MKLN1: variants seen among roughly 807,000 people sequenced by gnomAD.
MKLN1 encodes muskelin 1, also known as muskelin.
MKLN1 carries 18 observed loss-of-function variants against 99.0 expected under a neutral mutation model. The ratio of observed to expected loss-of-function variants is 0.18; its 90% confidence interval spans 0.13 to 0.27. The LOEUF (loss-of-function observed/expected upper bound fraction) is 0.27, where lower values mean the gene tolerates loss of function less well. MKLN1 is among the 10% of genes least tolerant of loss of function. The pLI, the probability that MKLN1 is intolerant of heterozygous loss-of-function variation, is 1.00. For missense variants in MKLN1, 621 were observed against 875.9 expected, an observed-to-expected ratio of 0.71 and a Z score of 3.67; for synonymous variants, 288 against 293.2, an observed-to-expected ratio of 0.98 and a Z score of 0.18.
chr7:131,487,094 T>A lies in MKLN1; in HGVS notation c.2087-513T>A, dbSNP rs1797302321. ...TCAGTTCCCTGAGACTACTTCCAGC[T>A]GTCTCAGAGACATTAATGATTTTAG... On this transcript the variant is annotated intron_variant, in intron 17 of 17. Coordinates refer to ENST00000352689, the MANE Select transcript of MKLN1 (RefSeq NM_013255.5). The surrounding 1 kb of genome is among the most constrained non-coding windows in gnomAD (Gnocchi z 4.7). Among the ~76,000 whole-genome samples the A allele has an allele frequency of 6.6e-6, 1 of 152,158 alleles. No homozygotes were observed. Among genetic ancestry groups the A allele is most frequent in the Non-Finnish European group, 1.5e-5 (1 of 68,006 alleles).
chr7:131,229,556 T>C (rs554443119), intron 3 of MKLN1, among the ~76,000 whole-genome samples: 1 of 151,890 alleles, frequency 6.6e-6, no homozygotes, highest in East Asian at 1.9e-4. Context: ...GTGTTGTTGT[T>C]GTTGTTGTTG....
intron 3 of MKLN1, among the ~76,000 whole-genome samples, chr7:131,251,869 A>C (rs1032886320): frequency 6.6e-6 from 1 of 151,690 alleles, no homozygotes; most frequent in African/African-American, 2.4e-5. Context: ...GTTTGTAGAG[A>C]TGTTTTGCCA....
At chr7:131,282,717 A>G (rs74558393) in intron 3 of MKLN1, among the ~76,000 whole-genome samples, 9,798 of 152,188 alleles carry the variant, frequency 0.064, 431 homozygotes, top group Non-Finnish European at 0.094. Flanking sequence ...TTAATAGAAT[A>G]TAACCATGGT....
At chr7:131,409,452 C>T (rs530014604) in intron 6 of MKLN1, among the ~76,000 whole-genome samples, 14 of 152,184 alleles carry the variant, frequency 9.2e-5, no homozygotes, top group African/African-American at 3.4e-4. Flanking sequence ...TATTTACTGA[C>T]TTTTTGCAAG....
chr7:131,184,039 T>C (rs1316783651), intron 2 of MKLN1, among the ~76,000 whole-genome samples: 2 of 151,912 alleles, frequency 1.3e-5, no homozygotes, highest in Non-Finnish European at 2.9e-5. Flanking sequence ...TTTTTTAAGC[T>C]GCCTTGAGGT....
At chr7:131,112,199 A>G (rs1795212478) in intron 1 of MKLN1, among the ~76,000 whole-genome samples, 1 of 152,236 alleles carries the variant, frequency 6.6e-6, no homozygotes, top group Non-Finnish European at 1.5e-5. Context: ...TGAGTGAGCC[A>G]TTGTAGGTCT....
intron 3 of MKLN1, among the ~76,000 whole-genome samples, chr7:131,301,636 T>C (rs969486531): frequency 1.3e-5 from 2 of 152,166 alleles, no homozygotes; most frequent in Admixed American, 6.5e-5. Flanking sequence ...TTATGGTCTA[T>C]AGCTCAGTTC....
intron 8 of MKLN1, among the ~76,000 whole-genome samples, chr7:131,423,533 T>C (rs1795266141): frequency 6.6e-6 from 1 of 152,138 alleles, no homozygotes; most frequent in Non-Finnish European, 1.5e-5. Context: ...GCTTTCTCCA[T>C]GTTGGTCATG....
Position 131,487,471 on chromosome 7 carries a change from C to T in MKLN1, c.2087-136C>T. The T allele has an allele frequency of 1.2e-6, 1 of 864,134 alleles. No individual in the cohort carries two copies. The highest frequency in any genetic ancestry group is 1.7e-6 in the Non-Finnish European group (1 of 583,678). The allele number at this position is 864,134 out of a possible 1,614,324, so 53.5% of individuals were successfully genotyped here. A position where few individuals can be genotyped will look rare whatever the true frequency, so the allele number is the denominator to read the frequency against. On this transcript the variant is annotated intron_variant, in intron 17 of 17. Coordinates refer to ENST00000352689, the MANE Select transcript of MKLN1 (RefSeq NM_013255.5). The surrounding 1 kb of genome is among the most constrained non-coding windows in gnomAD (Gnocchi z 4.7). ...CACAGCCAGGTAGTAGAACTGGGGT[C>T]AGATCAGTAGTGTCTGCCTGGTTTT...
At position 131,494,734 on chromosome 7, in the gene MKLN1, T is replaced by C. The variant is rs778956402; in HGVS notation, c.*7006T>C. ...CAATTAGCCTGGGCAAGAGGTGTTA[T>C]GATTGTCTTATTCTTTAAGCCGGCT... is the stretch of plus-strand genomic sequence containing the variant. On this transcript the variant is annotated 3_prime_UTR_variant, in exon 18 of 18. Coordinates refer to ENST00000352689, the MANE Select transcript of MKLN1 (RefSeq NM_013255.5). 6.6e-6 allele frequency: 1 copy of C among 152,208 alleles called. No individual in the cohort carries two copies. The highest frequency in any genetic ancestry group is 1.9e-4 in the East Asian group (1 of 5,200). The allele number at this position is 152,208 out of a possible 1,614,324, so 9.4% of individuals were successfully genotyped here. A position where few individuals can be genotyped will look rare whatever the true frequency, so the allele number is the denominator to read the frequency against.
chr7:131,266,808 G>A lies in MKLN1; in HGVS notation c.-179+63834G>A, dbSNP rs144485430. On this transcript the variant is annotated intron_variant, in intron 3 of 7. Coordinates refer to the MKLN1 transcript ENST00000416992. ...TGATTCCTAGGTGATTGTCTCAGAA[G>A]TACCAGGTCTGCAAGTTTATGGAAA... Among the ~76,000 whole-genome samples, 124 of 151,804 alleles carry A rather than the reference G, an allele frequency of 8.2e-4. 1 individual carries two copies. In the East Asian group the frequency reaches 0.022, roughly 27 times the overall value.
Position 131,464,299 on chromosome 7 carries a change from G to A in MKLN1, c.1679G>A (p.Cys560Tyr), listed in dbSNP as rs776731717. The change falls in exon 14 of 18, where the codon TGT becomes TAT. Residue 560 changes from cysteine to tyrosine, a missense_variant. Transcript: ENST00000352689. ...TTAAAAGCAATGTCTTGCAGGTCTTGTGTCTATAAGAATGATCAAGCTGCA... is the reference window on the plus strand; with the variant it reads ...TTAAAAGCAATGTCTTGCAGGTCTTATGTCTATAAGAATGATCAAGCTGCA... ...IYDIVRNSWS[C>Y]VYKNDQAAKD... 3 of 1,598,470 alleles carry A rather than the reference G, an allele frequency of 1.9e-6. No homozygotes were observed. The highest frequency in any genetic ancestry group is 2.6e-6 in the Non-Finnish European group (3 of 1,166,578).
chr7:131,189,642 G>A (rs1796505722), intron 2 of MKLN1, among the ~76,000 whole-genome samples: 1 of 152,036 alleles, frequency 6.6e-6, no homozygotes, highest in Non-Finnish European at 1.5e-5. Flanking sequence ...AGCTTTGTTT[G>A]CAAGATGCCA....
At chr7:131,422,721 CT>C (rs1207161804) in intron 8 of MKLN1, among the ~76,000 whole-genome samples, 23 of 150,978 alleles carry the variant, frequency 1.5e-4, no homozygotes, top group Non-Finnish European at 3.1e-4. Context: ...CTTTTGTTTT[CT>C]TTTTTTAGTC....
At chr7:131,314,875 T>A (rs951644738) in intron 3 of MKLN1, among the ~76,000 whole-genome samples, 18 of 151,730 alleles carry the variant, frequency 1.2e-4, no homozygotes, top group African/African-American at 4.4e-4. Context: ...TGGGCTTAAA[T>A]GATCCTCGAC....
intron 2 of MKLN1, among the ~76,000 whole-genome samples, chr7:131,146,928 G>A (rs1671345558): frequency 6.6e-6 from 1 of 152,170 alleles, no homozygotes; most frequent in South Asian, 2.1e-4. Flanking sequence ...AGTACCTTGT[G>A]ACAAATGCTA....
rs1794962040 is a variant in MKLN1 at position 131,414,544 on chromosome 7, G to A, written c.782-101G>A. On this transcript the variant is annotated intron_variant, in intron 7 of 17. Transcript: ENST00000352689. ...TTATTAATATTTTGAAAAAATAAGG[G>A]TGGGTTATTTTTACTACTGATTACA... 10 of 671,116 alleles carry A rather than the reference G, an allele frequency of 1.5e-5. No homozygotes were observed. In the South Asian group the frequency reaches 1.6e-4, roughly 11 times the overall value. The allele number at this position is 671,116 out of a possible 1,614,324, so 41.6% of individuals were successfully genotyped here. A position where few individuals can be genotyped will look rare whatever the true frequency, so the allele number is the denominator to read the frequency against.
In MKLN1 at chr7:131,119,956, T is replaced by A. The variant is rs1584772014; in HGVS notation, c.-419+9749T>A. On this transcript the variant is annotated intron_variant, in intron 1 of 7. Coordinates refer to the MKLN1 transcript ENST00000416992. ...AAACTTTTATGCTCTGCTTTCTTTT[T>A]AAATATAAGTTCTAGTTTCAAGTCA... 4.6e-5 allele frequency among the ~76,000 whole-genome samples: 7 copies of A among 152,204 alleles called. No individual in the cohort carries two copies. The South Asian group carries it at 1.4e-3, about 32-fold the overall frequency.
intron 2 of MKLN1, among the ~76,000 whole-genome samples, chr7:131,192,956 G>A (rs1312777653): frequency 6.6e-6 from 1 of 152,166 alleles, no homozygotes; most frequent in African/African-American, 2.4e-5. Context: ...TGAAGAAAAG[G>A]AGAGGGATAT....
Sources: allele counts gnomAD v4.1 joint callset (sites outside exome capture counted in the v4.1 genomes callset), GRCh38; gene constraint gnomAD v4.1.1; non-coding constraint Gnocchi (gnomAD v3.1); transcripts MANE v1.5; gene names NCBI Gene and HGNC (gene_info 2026-07-23, HGNC 2026-07-21).